LRFN5: variants seen among roughly 807,000 people sequenced by gnomAD.
LRFN5 encodes leucine rich repeat and fibronectin type III domain containing 5.
In LRFN5, 24 loss-of-function variants were observed where a neutral mutation model predicts 45.6. The ratio of observed to expected loss-of-function variants is 0.53; its 90% CI spans 0.38 to 0.74. The LOEUF is 0.74. LRFN5 is among the 30% of genes least tolerant of loss of function. The pLI is 0.00. For synonymous variants in LRFN5, 340 were observed against 313.8 expected (o/e 1.08, Z -0.88); for missense variants, 776 against 861.5 (o/e 0.90, Z 1.24).
chr14:41,794,651 G>A (rs1366909135), intron 2 of LRFN5, among the ~76,000 whole-genome samples: 1 of 151,926 alleles, frequency 6.6e-6, no homozygotes, highest in East Asian at 1.9e-4. Flanking sequence ...AATAAGTGAA[G>A]GTACCTTTCT....
At chr14:41,635,901 T>G (rs1879284873) in intron 1 of LRFN5, among the ~76,000 whole-genome samples, 1 of 152,172 alleles carries the variant, frequency 6.6e-6, no homozygotes, top group Non-Finnish European at 1.5e-5. Flanking sequence ...AAGAGCTCCA[T>G]TCTAAATTTG....
chr14:41,856,677 T>TATTATTTTTTA (rs1555326983), intron 2 of LRFN5, among the ~76,000 whole-genome samples: 2 of 14,362 alleles, frequency 1.4e-4, no homozygotes, highest in Admixed American at 1.4e-3. Context: ...TTATTATTAT[T>TATTATTTTTTA]TTTTTTTTTT....
chr14:41,621,868 G>A (rs746449898), intron 1 of LRFN5, among the ~76,000 whole-genome samples: 24 of 151,998 alleles, frequency 1.6e-4, no homozygotes, highest in Admixed American at 2.6e-4. Context: ...GGTCAGGGTC[G>A]CTTCGCATTA....
At chr14:41,687,340 G>A (rs897540054) in intron 1 of LRFN5, among the ~76,000 whole-genome samples, 4 of 152,154 alleles carry the variant, frequency 2.6e-5, no homozygotes, top group African/African-American at 9.7e-5. Context: ...GGAAACAATA[G>A]ATGCTGGTGA....
chr14:41,743,137 T>A (rs960923335), intron 1 of LRFN5, among the ~76,000 whole-genome samples: 7 of 152,186 alleles, frequency 4.6e-5, no homozygotes, highest in African/African-American at 1.7e-4. Context: ...TGTTCATTAT[T>A]GTTCATGCAT....
intron 2 of LRFN5, among the ~76,000 whole-genome samples, chr14:41,807,601 A>G (rs148015386): frequency 3.9e-4 from 60 of 152,218 alleles, no homozygotes; most frequent in Middle Eastern, 3.4e-3. Flanking sequence ...CCTGAGCACT[A>G]TGTGTGAAAG....
chr14:41,740,153 C>T (rs1218994851), intron 1 of LRFN5, among the ~76,000 whole-genome samples: 1 of 151,952 alleles, frequency 6.6e-6, no homozygotes, highest in Non-Finnish European at 1.5e-5. Flanking sequence ...CAAGATTATC[C>T]AGAAAACTGA....
chr14:41,650,612 A>G (rs912624452), intron 1 of LRFN5, among the ~76,000 whole-genome samples: 2 of 152,182 alleles, frequency 1.3e-5, no homozygotes, highest in African/African-American at 4.8e-5. Flanking sequence ...TAATTCAGAA[A>G]ATCCACATTG....
chr14:41,830,103 AT>A (rs1381787755), intron 2 of LRFN5, among the ~76,000 whole-genome samples: 1 of 151,478 alleles, frequency 6.6e-6, no homozygotes, highest in Non-Finnish European at 1.5e-5. Flanking sequence ...TCATACAATT[AT>A]TTTAACTTGT....
At chr14:41,609,940 T>C (rs1203119877) in intron 1 of LRFN5, among the ~76,000 whole-genome samples, 1 of 152,236 alleles carries the variant, frequency 6.6e-6, no homozygotes, top group Non-Finnish European at 1.5e-5. Flanking sequence ...ATAGCTGCTC[T>C]GCTTGTCCCT....
At chr14:41,809,350 T>G (rs1887660011) in intron 2 of LRFN5, among the ~76,000 whole-genome samples, 1 of 152,050 alleles carries the variant, frequency 6.6e-6, no homozygotes, top group Non-Finnish European at 1.5e-5. Context: ...GTATTATATC[T>G]AAAATAGTAG....
At position 41,823,612 on chromosome 14, in the gene LRFN5, A is replaced by G. The variant is rs564581939; in HGVS notation, c.-21+56583A>G. On this transcript the variant is annotated intron_variant, in intron 2 of 5. Coordinates refer to ENST00000298119, the MANE Select transcript of LRFN5 (RefSeq NM_152447.5). ...ATTCAGTTTAGAAAGCCTGATGACT[A>G]TGTGCCTTGGTGAAGTTTGTCTTGC... is the stretch of plus-strand genomic sequence containing the variant. Among the ~76,000 whole-genome samples the G allele has an allele frequency of 1.2e-4, 18 of 152,174 alleles. No homozygotes were observed. The South Asian group carries it at 3.7e-3, about 32-fold the overall frequency.
At chr14:41,616,579 A>G (rs756550691) in intron 1 of LRFN5, among the ~76,000 whole-genome samples, 40 of 152,166 alleles carry the variant, frequency 2.6e-4, no homozygotes, top group South Asian at 8.3e-4. Flanking sequence ...TTCAGCCTCT[A>G]TATGAGGTTA....
chr14:41,735,069 C>T (rs1482427339), intron 1 of LRFN5, among the ~76,000 whole-genome samples: 1 of 152,094 alleles, frequency 6.6e-6, no homozygotes, highest in Non-Finnish European at 1.5e-5. Flanking sequence ...ATTTTCTCAA[C>T]ATCATTACAG....
Position 41,646,043 on chromosome 14 carries a change from A to G in LRFN5, c.-197+37481A>G, listed in dbSNP as rs181698878. Among the ~76,000 whole-genome samples, 135 of 152,268 alleles carry G rather than the reference A, an allele frequency of 8.9e-4. No homozygotes were observed. The Middle Eastern group carries it at 0.014, about 15-fold the overall frequency. ...TTGGGGAGTATACAGTGGTGTTTCAATATATATCATGTATAGTGATCAGAT... is the reference window on the plus strand; with the variant it reads ...TTGGGGAGTATACAGTGGTGTTTCAGTATATATCATGTATAGTGATCAGAT... On this transcript the variant is annotated intron_variant, in intron 1 of 5. Coordinates refer to ENST00000298119, the MANE Select transcript of LRFN5 (RefSeq NM_152447.5).
intron 2 of LRFN5, among the ~76,000 whole-genome samples, chr14:41,833,762 T>C (rs1335870212): frequency 1.3e-5 from 2 of 152,234 alleles, no homozygotes; most frequent in Admixed American, 1.3e-4. Flanking sequence ...TTTTTTCATA[T>C]GATAACCATC....
chr14:41,757,959 T>A (rs1285023101), intron 1 of LRFN5, among the ~76,000 whole-genome samples: 1 of 152,190 alleles, frequency 6.6e-6, no homozygotes, highest in Non-Finnish European at 1.5e-5. Context: ...ATTCACTCAC[T>A]TTTTCCATGG....
At chr14:41,817,005 T>TTG (rs1477082145) in intron 2 of LRFN5, among the ~76,000 whole-genome samples, 2 of 151,118 alleles carry the variant, frequency 1.3e-5, no homozygotes, top group Admixed American at 6.6e-5. Context: ...GAAGTTTTTT[T>TTG]TTTTTTTTTT....
intron 1 of LRFN5, among the ~76,000 whole-genome samples, chr14:41,673,400 GC>G (rs1161139353): frequency 2.6e-5 from 3 of 114,702 alleles, no homozygotes; most frequent in African/African-American, 1.1e-4. Context: ...GGGCTGACCC[GC>G]CCCCCACCTC....
Sources: allele counts gnomAD v4.1 joint callset (sites outside exome capture counted in the v4.1 genomes callset), GRCh38; gene constraint gnomAD v4.1.1; transcripts MANE v1.5; gene names NCBI Gene and HGNC (gene_info 2026-07-23, HGNC 2026-07-21).